Variants in EPG5 observed in about 807,000 individuals in gnomAD.
EPG5 encodes the protein ectopic P granules protein 5 homolog.
EPG5 carries 159 observed loss-of-function variants against 302.7 expected under a neutral mutation model. That is an observed-to-expected ratio of 0.53 (90% CI 0.46 to 0.60). The LOEUF is 0.60. Ranked by LOEUF, EPG5 falls within the 20% of genes least tolerant of loss-of-function variation. The probability of loss-of-function intolerance (pLI) is 0.00; values close to 1 mark genes in which losing one functional copy is unlikely to be tolerated. For synonymous variants in EPG5, 1,158 were observed against 1,136.8 expected (o/e 1.02, Z -0.37); for missense variants, 2,896 against 3,092.4 (o/e 0.94, Z 1.51).
At chr18:45,938,126 C>T (rs1393814254) in intron 10 of EPG5, among the ~76,000 whole-genome samples, 1 of 152,120 alleles carries the variant, frequency 6.6e-6, no homozygotes, top group Non-Finnish European at 1.5e-5. Flanking sequence ...TGGTGCATCT[C>T]ATGAGACCAC....
the EPG5 span, among the ~76,000 whole-genome samples, chr18:45,807,027 C>T: frequency 6.6e-6 from 1 of 152,166 alleles, no homozygotes; most frequent in East Asian, 1.9e-4. Flanking sequence ...TATTGGCAGG[C>T]GGGGGGCAGG....
chr18:45,933,833 A>C (rs1217692956), intron 11 of EPG5, among the ~76,000 whole-genome samples: 1 of 152,142 alleles, frequency 6.6e-6, no homozygotes, highest in Non-Finnish European at 1.5e-5. Flanking sequence ...GCTGTGAAGG[A>C]AAAAACACTT....
chr18:45,907,874 T>G, intron 24 of EPG5, 84 bp downstream of exon 24: 2 of 1,307,856 alleles, frequency 1.5e-6, no homozygotes. Flanking sequence ...TATCAATAAA[T>G]TGTTTTATTA....
At chr18:45,802,503 G>A in the EPG5 span, among the ~76,000 whole-genome samples, 3 of 152,026 alleles carry the variant, frequency 2.0e-5, no homozygotes, top group Non-Finnish European at 4.4e-5. Flanking sequence ...CTGGGCGACA[G>A]AGCAAGACTC....
Position 45,867,742 on chromosome 18 carries a change from G to A in EPG5, c.6232C>T (p.Arg2078Ter), listed in dbSNP as rs587776942. The A allele has an allele frequency of 1.3e-5, 20 of 1,594,572 alleles. No individual in the cohort carries two copies. The highest frequency in any genetic ancestry group is 2.2e-5 in the East Asian group (1 of 44,636). Reference protein sequence around the residue: ...MLMEAFFKVERGSPKSCFLFL... With the variant: ...MLMEAFFKVE ...AAGAAACAGCTCTTGGGGCTTCCTC[G>A]TTCCACCTAAAAGAAAATGAATTAA... The change falls in exon 37 of 44, where the codon CGA becomes TGA. Residue 2078 changes from arginine to a stop codon, truncating the protein, a stop_gained. Coordinates refer to ENST00000282041, the MANE Select transcript of EPG5 (RefSeq NM_020964.3). LOFTEE classifies it high-confidence loss of function.
the EPG5 span, among the ~76,000 whole-genome samples, chr18:45,821,219 C>T: frequency 6.6e-6 from 1 of 152,190 alleles, no homozygotes; most frequent in East Asian, 1.9e-4. Context: ...TCTCTGAGAA[C>T]CTGTAAACAT....
At chr18:45,961,499 CT>C (rs1211451068) in intron 1 of EPG5, among the ~76,000 whole-genome samples, 2 of 152,200 alleles carry the variant, frequency 1.3e-5, no homozygotes, top group Non-Finnish European at 2.9e-5. Context: ...TGAAACACTT[CT>C]CCCCCAATAT....
chr18:45,842,069 C>T, the EPG5 span: 3 of 1,602,322 alleles, frequency 1.9e-6, no homozygotes, highest in Non-Finnish European at 2.6e-6. Context: ...GACCTCCCAC[C>T]TGTTTGGATG....
the EPG5 span, chr18:45,837,973 G>A: frequency 4.3e-6 from 6 of 1,397,980 alleles, no homozygotes; most frequent in Non-Finnish European, 5.5e-6. Context: ...CTACGTGGGT[G>A]CCAGGCGCTG....
At chr18:45,915,659 A>C (rs761531071) in intron 19 of EPG5, 38 bp from the exon 20 acceptor site, 75 of 1,505,492 alleles carry the variant, frequency 5.0e-5, no homozygotes, top group Admixed American at 1.7e-5. Context: ...AGGAGGTTTT[A>C]AGGAAAATCT....
downstream of EPG5, among the ~76,000 whole-genome samples, chr18:45,846,808 CT>C (rs942171176): frequency 6.6e-6 from 1 of 151,960 alleles, no homozygotes; most frequent in East Asian, 1.9e-4. Flanking sequence ...GCTGGTTGCC[CT>C]TTTTTTTGGT....
intron 2 of EPG5, 37 bp from the exon 3 acceptor site, chr18:45,952,680 T>G: frequency 6.2e-7 from 1 of 1,605,276 alleles, no homozygotes; most frequent in Non-Finnish European, 8.5e-7. Flanking sequence ...TGAAACCAGT[T>G]ACTCTTTCCA....
chr18:45,895,525 C>G (rs1208599572), intron 27 of EPG5, among the ~76,000 whole-genome samples: 1 of 152,116 alleles, frequency 6.6e-6, no homozygotes, highest in Non-Finnish European at 1.5e-5. Flanking sequence ...AGAACTCCAG[C>G]ACAGACAGTA....
Position 45,943,329 on chromosome 18 carries a change from A to G in EPG5, c.1793-18T>C, listed in dbSNP as rs763590776. On this transcript the variant is annotated intron_variant, in intron 8 of 43. Transcript: ENST00000282041. ...ATAATCACCTAGAAGTTAATCAGAT[A>G]AAAGAAAAAAATCATAGTTACTATG... 1 of 1,602,890 alleles carries G rather than the reference A, an allele frequency of 6.2e-7. No individual in the cohort carries two copies. Among genetic ancestry groups the G allele is most frequent in the Non-Finnish European group, 8.5e-7 (1 of 1,170,420 alleles).
At chr18:45,924,777 A>G (rs539516863) in intron 14 of EPG5, among the ~76,000 whole-genome samples, 30 of 152,316 alleles carry the variant, frequency 2.0e-4, no homozygotes, top group African/African-American at 6.5e-4. Context: ...CAACAACTCT[A>G]TGCGCAGTGG....
Position 45,899,434 on chromosome 18 carries a change from T to A in EPG5, c.4779A>T (p.Lys1593Asn). ...HLECRGSSGK[K>N]CQGAAVVTVQ... ...CCGTGACAACTGCGGCTCCTTGGCA[T>A]TTCTTACCGCTGCTGCCTCTGCACT... The change falls in exon 27 of 44, where the codon AAA (lysine) becomes AAT (asparagine). Residue 1593 changes from lysine (K) to asparagine (N), a missense_variant. Around this residue, in one of 5 missense-constraint regions of EPG5, gnomAD observed 790 missense variants for 798.0 expected, o/e 0.99. Coordinates refer to ENST00000282041, the MANE Select transcript of EPG5 (RefSeq NM_020964.3). 1 of 1,614,192 alleles carries A rather than the reference T, an allele frequency of 6.2e-7. No homozygotes were observed. Among genetic ancestry groups the A allele is most frequent in the South Asian group, 1.1e-5 (1 of 91,088 alleles).
At chr18:45,940,378 T>G (rs1166916043) in intron 9 of EPG5, among the ~76,000 whole-genome samples, 1 of 152,172 alleles carries the variant, frequency 6.6e-6, no homozygotes, top group Non-Finnish European at 1.5e-5. Flanking sequence ...AGTAGGGTCC[T>G]GGGCAGACAG....
At chr18:45,935,019 A>C in intron 10 of EPG5, 53 bp from the exon 11 acceptor site, 1 of 1,516,740 alleles carries the variant, frequency 6.6e-7, no homozygotes, top group Non-Finnish European at 8.9e-7. Context: ...TTACACTAAG[A>C]AAGTAGACAA....
intron 13 of EPG5, among the ~76,000 whole-genome samples, chr18:45,926,696 G>A (rs1218125016): frequency 6.6e-6 from 1 of 151,884 alleles, no homozygotes; most frequent in Non-Finnish European, 1.5e-5. Context: ...GCACGCGCCT[G>A]TAATCCCAAC....
Sources: gnomAD v4.1 joint callset for allele counts (sites outside exome capture counted in the v4.1 genomes callset) on GRCh38, gnomAD v4.1.1 for gene constraint, gnomAD v4.1.1 regional missense constraint, MANE v1.5 for transcripts, NCBI Gene and HGNC (gene_info 2026-07-23, HGNC 2026-07-21) for gene names.